The following MYO10 variants were observed in gnomAD, a reference collection of about 807,000 sequenced individuals.
The protein encoded by MYO10 is unconventional myosin-X.
MYO10 carries 133 observed loss-of-function variants against 257.3 expected under a neutral mutation model. That is an observed-to-expected ratio of 0.52 (90% confidence interval 0.45 to 0.60). The LOEUF (loss-of-function observed/expected upper bound fraction) is 0.60. Among genes scored for constraint, MYO10 ranks in the 20% least tolerant of loss-of-function variants. The pLI, the probability that MYO10 is intolerant of heterozygous loss-of-function variation, is 0.00. For synonymous variants in MYO10, 1,104 were observed against 1,028.6 expected, an observed-to-expected ratio of 1.07 and a Z score of -1.40; for missense variants, 2,399 against 2,635.7, an observed-to-expected ratio of 0.91 and a Z score of 1.97.
rs911553321 is a variant in MYO10 at position 16,878,717 on chromosome 5, G to A, written c.22-1010C>T. On this transcript the variant is annotated intron_variant, in intron 1 of 40. Coordinates refer to ENST00000513610, the MANE Select transcript of MYO10 (RefSeq NM_012334.3). Reference sequence around the variant, plus strand: ...TGGAGCTGGAGACCATGATTCTAGTGAAGTCACTCAAGAATGGAAAACCAA... The same window carrying A: ...TGGAGCTGGAGACCATGATTCTAGTAAAGTCACTCAAGAATGGAAAACCAA... Among the ~76,000 whole-genome samples, 5 of 152,144 alleles carry A rather than the reference G, an allele frequency of 3.3e-5. No individual in the cohort carries two copies. In the South Asian group the frequency reaches 6.2e-4, roughly 19 times the overall value.
chr5:16,719,186 A>C (rs1216186128), intron 19 of MYO10, among the ~76,000 whole-genome samples: 1 of 152,166 alleles, frequency 6.6e-6, no homozygotes. Flanking sequence ...CGAGCCCACC[A>C]GAAGGAAGAA....
rs5866202 is a variant in MYO10 at position 16,698,623 on chromosome 5, G to GTTTTTT, written c.3556+821_3556+826dup. Among the ~76,000 whole-genome samples, 33 of 113,822 alleles carry GTTTTTT rather than the reference G, an allele frequency of 2.9e-4. 3 individuals carry two copies. The highest frequency in any genetic ancestry group is 5.7e-4 in the African/African-American group (15 of 26,140). The allele number at this position is 113,822 out of a possible 152,430, so 74.7% of individuals were successfully genotyped here. On this transcript the variant is annotated intron_variant, in intron 26 of 40. Coordinates refer to ENST00000513610, the MANE Select transcript of MYO10 (RefSeq NM_012334.3). ...TATCCCTGGCAGGAGAGAACATGCA[G>GTTTTTT]TTTTTTTTTTTTTTTTTTGAGACAG...
intron 2 of MYO10, among the ~76,000 whole-genome samples, chr5:16,874,681 T>C (rs749243939): frequency 6.6e-6 from 1 of 152,182 alleles, no homozygotes; most frequent in Non-Finnish European, 1.5e-5. Context: ...AGTATTTCTG[T>C]CAATGCTATT....
At chr5:16,900,577 C>A (rs1488035026) in intron 1 of MYO10, among the ~76,000 whole-genome samples, 1 of 151,988 alleles carries the variant, frequency 6.6e-6, no homozygotes, top group Non-Finnish European at 1.5e-5. Flanking sequence ...AGACGGGGGA[C>A]CGATCCATCC....
At chr5:16,693,100 C>G (rs770876206) in intron 27 of MYO10, among the ~76,000 whole-genome samples, 10 of 152,110 alleles carry the variant, frequency 6.6e-5, no homozygotes, top group Non-Finnish European at 1.2e-4. Context: ...AACCCCGTCT[C>G]TACCAATAAT....
chr5:16,740,434 C>A (rs1739977023), intron 19 of MYO10, among the ~76,000 whole-genome samples: 1 of 152,086 alleles, frequency 6.6e-6, no homozygotes, highest in Non-Finnish European at 1.5e-5. Context: ...AAGGGATTTG[C>A]TCACAGTGGG....
chr5:16,877,632 C>A lies in MYO10; in HGVS notation c.97G>T (p.Val33Phe). 1 of 1,613,600 alleles carries A rather than the reference C, an allele frequency of 6.2e-7. No homozygotes were observed. Among genetic ancestry groups the A allele is most frequent in the Non-Finnish European group, 8.5e-7 (1 of 1,179,656 alleles). Residue 33 changes from valine (V) to phenylalanine (F), a missense_variant, in exon 2 of 41, where the codon GTC becomes TTC. Val to Phe is a conservative substitution (Grantham distance 50). Around this residue, in one of 3 missense-constraint regions of MYO10, gnomAD observed 242 missense variants for 249.5 expected, o/e 0.97. Transcript: ENST00000513610. The part of the protein sequence containing the change: ...TVNSCAEGIV[V>F]FRTDYGQVFT... Reference sequence around the variant, plus strand: ...ACCTGACCATAGTCTGTCCGGAAGACGACGATGCCTTCTGCACAGGAATTT... The same window carrying A: ...ACCTGACCATAGTCTGTCCGGAAGAAGACGATGCCTTCTGCACAGGAATTT...
intron 1 of MYO10, among the ~76,000 whole-genome samples, chr5:16,929,848 T>TA (rs1356174023): frequency 6.6e-6 from 1 of 152,162 alleles, no homozygotes; most frequent in East Asian, 1.9e-4. Flanking sequence ...AACCCACAGA[T>TA]ACTGAGTACA....
chr5:16,814,858 C>T (rs568364238), intron 3 of MYO10: 8 of 152,220 alleles, frequency 5.3e-5, no homozygotes, highest in African/African-American at 1.9e-4. Flanking sequence ...ATTCCAAGAC[C>T]AAGATCTTAT....
chr5:16,673,694 G>A lies in MYO10; in HGVS notation c.5160C>T (p.Thr1720=). 1 of 1,613,604 alleles carries A rather than the reference G, an allele frequency of 6.2e-7. No individual in the cohort carries two copies. Among genetic ancestry groups the A allele is most frequent in the Non-Finnish European group, 8.5e-7 (1 of 1,179,706 alleles). The part of the protein sequence containing the change: ...GSCKITINSH[T]TAGEVVEKLI... ...TGCCTCTCCTCACCTCCCCAGCGGTGGTGTGGGAGTTGATGGTGATCTTGC... is the reference window on the plus strand; with the variant it reads ...TGCCTCTCCTCACCTCCCCAGCGGTAGTGTGGGAGTTGATGGTGATCTTGC... The change falls in exon 36 of 41, where the codon ACC becomes ACT. Residue 1720 remains threonine, a synonymous_variant. Transcript: ENST00000513610.
intron 39 of MYO10, among the ~76,000 whole-genome samples, chr5:16,669,035 T>C (rs895498478): frequency 3.3e-5 from 5 of 152,058 alleles, no homozygotes; most frequent in African/African-American, 4.8e-5. Flanking sequence ...AACTGTAGAC[T>C]TTCCTGTACA....
At chr5:16,706,849 G>C (rs1430764783) in intron 21 of MYO10, among the ~76,000 whole-genome samples, 1 of 152,176 alleles carries the variant, frequency 6.6e-6, no homozygotes, top group Non-Finnish European at 1.5e-5. Flanking sequence ...CAAACAAATA[G>C]AGAAAATGCT....
Position 16,764,398 on chromosome 5 carries a change from T to A in MYO10, c.1180-2A>T. 6.2e-7 allele frequency: 1 copy of A among 1,613,624 alleles called. No homozygotes were observed. Among genetic ancestry groups the A allele is most frequent in the Non-Finnish European group, 8.5e-7 (1 of 1,179,748 alleles). Reference sequence around the variant, plus strand: ...CAGGGAGTCCCTGCTGTCTACTGCCTGTGGGAGAGAAACCAGCACAGACTC... The same window carrying A: ...CAGGGAGTCCCTGCTGTCTACTGCCAGTGGGAGAGAAACCAGCACAGACTC... On this transcript the variant is annotated splice_acceptor_variant, in intron 11 of 40. Transcript: ENST00000513610. LOFTEE classifies it high-confidence loss of function.
intron 19 of MYO10, among the ~76,000 whole-genome samples, chr5:16,739,212 T>G (rs1389214090): frequency 6.8e-6 from 1 of 148,112 alleles, no homozygotes; most frequent in Non-Finnish European, 1.5e-5. Context: ...AAAAAAAGCA[T>G]AAAACCATTA....
intron 1 of MYO10, among the ~76,000 whole-genome samples, chr5:16,905,277 T>C (rs1189564917): frequency 6.6e-6 from 1 of 152,090 alleles, no homozygotes; most frequent in Non-Finnish European, 1.5e-5. Flanking sequence ...CTCCCATCCT[T>C]GTCTGGGCTC....
chr5:16,911,774 A>C (rs1745664143), intron 1 of MYO10, among the ~76,000 whole-genome samples: 1 of 152,080 alleles, frequency 6.6e-6, no homozygotes, highest in South Asian at 2.1e-4. Flanking sequence ...GCGGTGGCTC[A>C]TGCCTGTAAT....
rs1010007742 is a variant in MYO10, at chr5:16,803,211, A to C, written c.280-8378T>G. 6.6e-5 allele frequency among the ~76,000 whole-genome samples: 10 copies of C among 152,342 alleles called. 1 individual carries two copies. The highest frequency in any genetic ancestry group is 5.2e-4 in the Admixed American group (8 of 15,302). On this transcript the variant is annotated intron_variant, in intron 3 of 40. Coordinates refer to ENST00000513610, the MANE Select transcript of MYO10 (RefSeq NM_012334.3). The stretch of plus-strand genomic sequence containing the variant: ...GAGGCCGAGGCGGGAGGATCACTTG[A>C]GTCCAGGAGTTAACCAGCCTGGGCA...
intron 21 of MYO10, 99 bp downstream of exon 21, chr5:16,710,808 GA>G: frequency 1.0e-6 from 1 of 977,950 alleles, no homozygotes; most frequent in Non-Finnish European, 1.5e-6. Context: ...CAATGTGAAA[GA>G]ACAATTGTAT....
rs1390513515 is a variant in MYO10, at chr5:16,719,987, TGC to T, written c.1930-8744_1930-8743del. On this transcript the variant is annotated intron_variant, in intron 19 of 40. Transcript: ENST00000513610. ...CCCTAAAGAAATAAATGTGTGTGCG[TGC>T]GTGTGTGTGTGTGTGTGTGTGTGTG... 1.5e-4 allele frequency among the ~76,000 whole-genome samples: 15 copies of T among 97,180 alleles called. No homozygotes were observed. In the East Asian group the frequency reaches 1.6e-3, roughly 11 times the overall value. The allele number at this position is 97,180 out of a possible 152,430, so 63.8% of individuals were successfully genotyped here. A position where few individuals can be genotyped will look rare whatever the true frequency, so the allele number is the denominator to read the frequency against.
Sources: gnomAD v4.1 joint callset for allele counts (sites outside exome capture counted in the v4.1 genomes callset) on GRCh38, gnomAD v4.1.1 for gene constraint, gnomAD v4.1.1 regional missense constraint, MANE v1.5 for transcripts, NCBI Gene and HGNC (gene_info 2026-07-23, HGNC 2026-07-21) for gene names.